WDR27: variants seen among roughly 807,000 people sequenced by gnomAD.
The protein encoded by WDR27 is WD repeat-containing protein 27.
In WDR27, 100 loss-of-function variants were observed where a neutral mutation model predicts 114.4. That is an observed-to-expected ratio of 0.87 (90% CI 0.74 to 1.03). The LOEUF is 1.03. WDR27 is among the 50% of genes least tolerant of loss of function. The pLI is 0.00. For missense variants in WDR27, 1,129 were observed against 1,092.9 expected, an observed-to-expected ratio of 1.03 and a Z score of -0.47; for synonymous variants, 449 against 423.1, an observed-to-expected ratio of 1.06 and a Z score of -0.75.
intron 2 of WDR27, among the ~76,000 whole-genome samples, chr6:169,685,726 A>C (rs1027850868): frequency 6.6e-6 from 1 of 152,200 alleles, no homozygotes; most frequent in Non-Finnish European, 1.5e-5. Context: ...TAAGCAAATA[A>C]ATATTCATAA....
At chr6:169,676,495 C>G (rs1780102263) in intron 2 of WDR27, among the ~76,000 whole-genome samples, 1 of 152,176 alleles carries the variant, frequency 6.6e-6, no homozygotes, top group Non-Finnish European at 1.5e-5. Context: ...TGGGGAAAAT[C>G]TACATTCTGC....
At chr6:169,599,000 T>A (rs867462216) in intron 23 of WDR27, among the ~76,000 whole-genome samples, 8 of 152,198 alleles carry the variant, frequency 5.3e-5, no homozygotes, top group Middle Eastern at 3.4e-3. Flanking sequence ...TCTTTTTTTT[T>A]ATTATACTTT....
intron 25 of WDR27, among the ~76,000 whole-genome samples, chr6:169,515,106 G>A (rs1389922816): frequency 1.3e-5 from 2 of 152,018 alleles, no homozygotes; most frequent in Non-Finnish European, 2.9e-5. Context: ...TTCATGGGTC[G>A]TGGGTCTTTA....
intron 25 of WDR27, among the ~76,000 whole-genome samples, chr6:169,460,252 G>A (rs893317559): frequency 2.6e-5 from 4 of 152,108 alleles, no homozygotes; most frequent in Admixed American, 2.6e-4. Context: ...TTTATGTTTT[G>A]GAGAACAAAA....
At position 169,472,653 on chromosome 6, in the gene WDR27, T is replaced by C. The variant is rs371812675; in HGVS notation, c.2646-15019A>G. Among the ~76,000 whole-genome samples the C allele has an allele frequency of 2.4e-3, 365 of 152,228 alleles. 2 individuals are homozygous for C. Among genetic ancestry groups the C allele is most frequent in the Non-Finnish European group, 2.7e-3 (187 of 68,014 alleles). ...AGATAAGAAAGAAAAAATGTGAAAA[T>C]TTCAGACTGAGTATATAACTTACTC... On this transcript the variant is annotated intron_variant, in intron 25 of 25. Coordinates refer to ENST00000448612, the MANE Select transcript of WDR27 (RefSeq NM_182552.5).
At chr6:169,439,260 T>C in the WDR27 span, among the ~76,000 whole-genome samples, 3 of 152,234 alleles carry the variant, frequency 2.0e-5, no homozygotes, top group African/African-American at 7.2e-5. Flanking sequence ...AAAGGTCTGA[T>C]GGTTCTTACT....
chr6:169,479,909 TC>T (rs1583666033), intron 25 of WDR27, among the ~76,000 whole-genome samples: 1 of 152,192 alleles, frequency 6.6e-6, no homozygotes, highest in East Asian at 1.9e-4. Flanking sequence ...TCTCGGCACC[TC>T]CTCGGCTTCG....
chr6:169,550,298 G>C (rs2128102149), intron 25 of WDR27, among the ~76,000 whole-genome samples: 1 of 152,326 alleles, frequency 6.6e-6, no homozygotes, highest in Admixed American at 6.5e-5. Flanking sequence ...AGGTTAATGA[G>C]GCCAGGAACT....
intron 25 of WDR27, among the ~76,000 whole-genome samples, chr6:169,458,042 T>C (rs1183934017): frequency 1.3e-5 from 2 of 150,322 alleles, no homozygotes; most frequent in African/African-American, 2.5e-5. Flanking sequence ...CCCACCCAGA[T>C]AGCAACTGTA....
intron 1 of WDR27, among the ~76,000 whole-genome samples, chr6:169,694,496 C>G (rs971529053): frequency 7.9e-5 from 12 of 152,146 alleles, no homozygotes; most frequent in Admixed American, 6.5e-5. Context: ...GGCTGTCCAT[C>G]ATAACATTGA....
At chr6:169,431,183 ATCTT>A in the WDR27 span, among the ~76,000 whole-genome samples, 1 of 152,220 alleles carries the variant, frequency 6.6e-6, no homozygotes, top group Admixed American at 6.5e-5. Flanking sequence ...TAATATATTT[ATCTT>A]TCTAATAAAA....
chr6:169,578,961 G>A (rs968190346), intron 24 of WDR27, among the ~76,000 whole-genome samples: 1 of 152,096 alleles, frequency 6.6e-6, no homozygotes, highest in East Asian at 1.9e-4. Flanking sequence ...CTTATGTAAG[G>A]TCTCTCACCA....
At chr6:169,663,329 T>C (rs530191167) in intron 8 of WDR27, among the ~76,000 whole-genome samples, 2 of 151,750 alleles carry the variant, frequency 1.3e-5, no homozygotes, top group Non-Finnish European at 2.9e-5. Context: ...AGACCTAATA[T>C]GAAAAGAAAT....
the WDR27 span, among the ~76,000 whole-genome samples, chr6:169,432,245 T>C: frequency 1.3e-5 from 2 of 152,230 alleles, no homozygotes; most frequent in Admixed American, 6.5e-5. Context: ...AAAAACATAC[T>C]GTAAAACTTT....
At chr6:169,451,599 C>T in the WDR27 span, among the ~76,000 whole-genome samples, 4 of 152,192 alleles carry the variant, frequency 2.6e-5, no homozygotes, top group Non-Finnish European at 5.9e-5. Flanking sequence ...TTTTCAGAAA[C>T]TCCCGAACAT....
the WDR27 span, among the ~76,000 whole-genome samples, chr6:169,438,737 A>G: frequency 6.6e-6 from 1 of 152,184 alleles, no homozygotes; most frequent in African/African-American, 2.4e-5. Flanking sequence ...AGGCAGTCAT[A>G]CTGTAGGAGG....
At chr6:169,630,661 C>T (rs555953423) in intron 21 of WDR27, among the ~76,000 whole-genome samples, 2 of 152,062 alleles carry the variant, frequency 1.3e-5, no homozygotes, top group South Asian at 2.1e-4. Flanking sequence ...TTTGGGAGGC[C>T]GAGGCGGGCG....
chr6:169,633,128 T>C (rs1330322056), intron 20 of WDR27, 60 bp from the exon 21 acceptor site: 27 of 1,496,596 alleles, frequency 1.8e-5, no homozygotes, highest in Non-Finnish European at 2.4e-5. Flanking sequence ...AAGGGACAGT[T>C]CCCTCTCTTT....
chr6:169,566,032 A>T (rs989501531), intron 25 of WDR27, among the ~76,000 whole-genome samples: 1 of 152,216 alleles, frequency 6.6e-6, no homozygotes, highest in African/African-American at 2.4e-5. Flanking sequence ...GTCTGTTGTT[A>T]TTCATTAGAA....
Sources: gnomAD v4.1 joint callset for allele counts (sites outside exome capture counted in the v4.1 genomes callset) on GRCh38, gnomAD v4.1.1 for gene constraint, MANE v1.5 for transcripts, NCBI Gene and HGNC (gene_info 2026-07-23, HGNC 2026-07-21) for gene names.